The following CAMSAP2 variants were observed in gnomAD, a reference collection of about 807,000 sequenced individuals.
The protein encoded by CAMSAP2 is calmodulin-regulated spectrin-associated protein 2.
Under a neutral mutation model 146.1 loss-of-function variants are expected in CAMSAP2, and 26 were observed. The ratio of observed to expected loss-of-function variants is 0.18; its 90% CI spans 0.13 to 0.25. CAMSAP2 has a LOEUF of 0.25. Among genes scored for constraint, CAMSAP2 ranks in the 10% least tolerant of loss-of-function variants. CAMSAP2 has a pLI of 1.00. For synonymous variants in CAMSAP2, 499 were observed against 596.6 expected (o/e 0.84, Z 2.38); for missense variants, 1,381 against 1,759.3 (o/e 0.78, Z 3.85).
chr1:200,789,775 T>G (rs567768697), intron 2 of CAMSAP2, among the ~76,000 whole-genome samples: 2 of 149,490 alleles, frequency 1.3e-5, no homozygotes, highest in East Asian at 2.0e-4. Context: ...TGATACTGAG[T>G]CTTTTTATCC....
intron 4 of CAMSAP2, among the ~76,000 whole-genome samples, chr1:200,820,213 G>C (rs993601246): frequency 6.6e-6 from 1 of 151,806 alleles, no homozygotes; most frequent in Non-Finnish European, 1.5e-5. Context: ...GGTGTGCACC[G>C]CCATGCCCAC....
intron 1 of CAMSAP2, among the ~76,000 whole-genome samples, chr1:200,757,207 C>T (rs192428254): frequency 1.3e-5 from 2 of 152,312 alleles, no homozygotes; most frequent in African/African-American, 4.8e-5. Flanking sequence ...GTACTCCCCT[C>T]CTGCTTCCTG....
intron 14 of CAMSAP2, 150 bp downstream of exon 14, chr1:200,855,039 G>A (rs1667713203): frequency 3.7e-6 from 2 of 535,774 alleles, no homozygotes; most frequent in East Asian, 3.0e-5. Flanking sequence ...ACTTAGGACT[G>A]TTAGAGTTTC....
intron 8 of CAMSAP2, among the ~76,000 whole-genome samples, chr1:200,845,256 C>CTTTTTTTTTTTTTT (rs11375893): frequency 6.7e-6 from 1 of 148,156 alleles, no homozygotes. Flanking sequence ...GTTTTTCCTG[C>CTTTTTTTTTTTTTT]TTTTTTTTTT....
intron 2 of CAMSAP2, among the ~76,000 whole-genome samples, chr1:200,780,781 C>A (rs1370933241): frequency 6.6e-6 from 1 of 152,158 alleles, no homozygotes; most frequent in Admixed American, 6.6e-5. Context: ...TTGTGAAACC[C>A]CCTGCTGTTT....
At chr1:200,779,596 G>A (rs1253918137) in intron 2 of CAMSAP2, among the ~76,000 whole-genome samples, 1 of 152,198 alleles carries the variant, frequency 6.6e-6, no homozygotes, top group African/African-American at 2.4e-5. Flanking sequence ...AGTGAAAAGA[G>A]AAGGTCAGAG....
chr1:200,793,279 T>C (rs1240521521), intron 2 of CAMSAP2, among the ~76,000 whole-genome samples: 3 of 152,192 alleles, frequency 2.0e-5, no homozygotes, highest in Non-Finnish European at 4.4e-5. Flanking sequence ...CTGTGAAGTA[T>C]CTAATGTGGT....
At chr1:200,747,819 G>T (rs1412814498) in intron 1 of CAMSAP2, among the ~76,000 whole-genome samples, 2 of 151,884 alleles carry the variant, frequency 1.3e-5, no homozygotes, top group Non-Finnish European at 2.9e-5. Context: ...GACCATCCCG[G>T]TACTAAAAAT....
At chr1:200,831,481 G>A (rs906954715) in intron 4 of CAMSAP2, among the ~76,000 whole-genome samples, 27 of 152,180 alleles carry the variant, frequency 1.8e-4, no homozygotes, top group African/African-American at 6.3e-4. Flanking sequence ...AACTATTACA[G>A]CATGTCTCAT....
rs758875894 is a variant in CAMSAP2, at chr1:200,760,977, C to T, written c.278C>T (p.Ala93Val). The T allele has an allele frequency of 8.1e-6, 13 of 1,613,990 alleles. No individual in the cohort carries two copies. In the Admixed American group the frequency reaches 2.0e-4, roughly 25 times the overall value. The change falls in exon 2 of 17, where the codon GCT (alanine) becomes GTT (valine). Residue 93 changes from alanine to valine, a missense_variant. Coordinates refer to ENST00000358823, the MANE Select transcript of CAMSAP2 (RefSeq NM_203459.4). Reference sequence around the variant, plus strand: ...GGGAGTCTCATTCTCAAGAGTGATGCTGCAAAACCCCTTTTGGGCCATGAT... The same window carrying T: ...GGGAGTCTCATTCTCAAGAGTGATGTTGCAAAACCCCTTTTGGGCCATGAT... ...RAGSLILKSD[A>V]AKPLLGHDAV...
At chr1:200,742,310 A>G (rs1664204420) in intron 1 of CAMSAP2, among the ~76,000 whole-genome samples, 2 of 152,200 alleles carry the variant, frequency 1.3e-5, no homozygotes, top group South Asian at 2.1e-4. Context: ...TCATTTTCAG[A>G]TAGATGATAT....
At chr1:200,762,402 C>A (rs548728762) in intron 2 of CAMSAP2, among the ~76,000 whole-genome samples, 4 of 152,240 alleles carry the variant, frequency 2.6e-5, no homozygotes, top group African/African-American at 9.6e-5. Context: ...CTTTGGCATA[C>A]CTGCTTTGCA....
In CAMSAP2 at chr1:200,849,161, A is replaced by G. The variant is rs1252646355; in HGVS notation, c.2392A>G (p.Ile798Val). 1.2e-6 allele frequency: 2 copies of G among 1,614,114 alleles called. No homozygotes were observed. Among genetic ancestry groups the G allele is most frequent in the Admixed American group, 3.3e-5 (2 of 60,012 alleles). ...LTVVKKKGDG[I>V]SPLREEAAGA... ...TGTAGTGAAAAAGAAAGGGGATGGG[A>G]TATCTCCTCTACGAGAGGAAGCGGC... Residue 798 changes from isoleucine to valine, a missense_variant, in exon 11 of 17, where the codon ATA (isoleucine) becomes GTA (valine). Physicochemically the swap from Ile to Val is conservative, Grantham distance 29. This residue lies in a region of CAMSAP2 where 560 missense variants were observed against 715.9 expected (regional missense o/e 0.78). Transcript: ENST00000358823. The surrounding 1 kb of genome is among the most constrained non-coding windows in gnomAD (Gnocchi z 6.3).
intron 4 of CAMSAP2, among the ~76,000 whole-genome samples, chr1:200,821,654 C>G (rs866681891): frequency 6.6e-6 from 1 of 152,220 alleles, no homozygotes. Flanking sequence ...AGCCACCACA[C>G]GTGGCCATTT....
At chr1:200,760,051 C>G (rs1313849862) in intron 1 of CAMSAP2, among the ~76,000 whole-genome samples, 2 of 152,118 alleles carry the variant, frequency 1.3e-5, no homozygotes, top group Non-Finnish European at 2.9e-5. Context: ...ACTTGGCATT[C>G]TTAAAGGGTA....
At chr1:200,850,290 T>C in intron 11 of CAMSAP2, 56 bp downstream of exon 11, 1 of 1,456,478 alleles carries the variant, frequency 6.9e-7, no homozygotes, top group Non-Finnish European at 9.1e-7. Context: ...TGTGGTTGTG[T>C]TGGATATTTT....
chr1:200,760,543 C>T (rs1328950287), intron 1 of CAMSAP2, among the ~76,000 whole-genome samples: 6 of 152,168 alleles, frequency 3.9e-5, no homozygotes, highest in Non-Finnish European at 8.8e-5. Flanking sequence ...GTAGATTTGA[C>T]TATGAATGTG....
intron 4 of CAMSAP2, among the ~76,000 whole-genome samples, chr1:200,831,382 G>A (rs182819002): frequency 1.3e-5 from 2 of 152,268 alleles, no homozygotes; most frequent in East Asian, 3.9e-4. Context: ...GGGAAAATGA[G>A]AAATGAGAGT....
At chr1:200,748,411 T>A (rs1558158854) in intron 1 of CAMSAP2, among the ~76,000 whole-genome samples, 5 of 152,254 alleles carry the variant, frequency 3.3e-5, no homozygotes, top group Admixed American at 1.3e-4. Context: ...TGAACATTTC[T>A]GATTGTCTCA....
Sources: gnomAD v4.1 joint callset for allele counts (sites outside exome capture counted in the v4.1 genomes callset) on GRCh38, gnomAD v4.1.1 for gene constraint, gnomAD v4.1.1 regional missense constraint, Gnocchi (gnomAD v3.1) non-coding constraint, MANE v1.5 for transcripts, NCBI Gene and HGNC (gene_info 2026-07-23, HGNC 2026-07-21) for gene names.